The following MAP7D1 variants were observed in gnomAD, a reference collection of about 807,000 sequenced individuals.
MAP7D1 encodes MAP7 domain-containing protein 1.
In MAP7D1, 30 loss-of-function variants were observed where a neutral mutation model predicts 97.5. The observed-to-expected ratio is 0.31, with a 90% confidence interval of 0.23 to 0.42. The LOEUF is 0.42. Ranked by LOEUF, MAP7D1 falls within the 10% of genes least tolerant of loss-of-function variation. The pLI is 1.00. For missense variants in MAP7D1, 1,184 were observed against 1,179.5 expected, an observed-to-expected ratio of 1.00 and a Z score of -0.06; for synonymous variants, 536 against 477.1, an observed-to-expected ratio of 1.12 and a Z score of -1.61.
intron 1 of MAP7D1, among the ~76,000 whole-genome samples, chr1:36,169,555 CAAAA>C (rs780377186): frequency 1.0e-5 from 1 of 96,252 alleles, no homozygotes. Context: ...GACTCCGTCT[CAAAA>C]AAAAAAAAAA....
chr1:36,166,740 A>C (rs1644479328), intron 1 of MAP7D1, among the ~76,000 whole-genome samples: 1 of 152,190 alleles, frequency 6.6e-6, no homozygotes, highest in Admixed American at 6.5e-5. Context: ...TTGAGAAAAG[A>C]CCCAGGGGGA....
Position 36,172,458 on chromosome 1 carries a change from C to A in MAP7D1, c.461-6C>A. The A allele has an allele frequency of 6.4e-7, 1 of 1,566,088 alleles. No homozygotes were observed. Among genetic ancestry groups the A allele is most frequent in the South Asian group, 1.1e-5 (1 of 87,452 alleles). Reference sequence around the variant, plus strand: ...CACACACGCCACTGGGCTCCTTTGTCCACAGCGGCCAAGAAGGCAGTGTGG... The same window carrying A: ...CACACACGCCACTGGGCTCCTTTGTACACAGCGGCCAAGAAGGCAGTGTGG... On this transcript the variant is annotated splice_region_variant and splice_polypyrimidine_tract_variant and intron_variant, in intron 3 of 16. Coordinates refer to ENST00000474796, the MANE Select transcript of MAP7D1 (RefSeq NM_001388490.1).
Position 36,156,381 on chromosome 1 carries a change from C to A in MAP7D1, c.-37C>A. ...TGGCCACTGGCCGCCGCCGCCGCCG[C>A]CGCTGAGACCCCGAGACCCCCAGTG... On this transcript the variant is annotated 5_prime_UTR_variant, in exon 1 of 17. Coordinates refer to ENST00000474796, the MANE Select transcript of MAP7D1 (RefSeq NM_001388490.1). 2 of 1,481,148 alleles carry A rather than the reference C, an allele frequency of 1.4e-6. No individual in the cohort carries two copies. The highest frequency in any genetic ancestry group is 1.8e-6 in the Non-Finnish European group (2 of 1,122,638). The allele number at this position is 1,481,148 out of a possible 1,614,324, so 91.8% of individuals were successfully genotyped here.
rs1422335463 is a variant in MAP7D1 at position 36,176,435 on chromosome 1, C to T, written c.1087C>T (p.Arg363Cys). 4 of 1,520,788 alleles carry T rather than the reference C, an allele frequency of 2.6e-6. No individual in the cohort carries two copies. Among genetic ancestry groups the T allele is most frequent in the East Asian group, 5.3e-5 (2 of 37,500 alleles). 94.2% of individuals were successfully genotyped at this position (1,520,788 alleles called of 1,614,324 possible). ...CTCTGCAGCCGTGCCGGTGTGCCCG[C>T]GCTCGGCCTCCGCCAGCCCCCTGAC... ...HPSAAVPVCPRSASASPLTPC... is the reference protein window; with the variant it reads ...HPSAAVPVCPCSASASPLTPC... The change falls in exon 7 of 17, where the codon CGC (arginine) becomes TGC (cysteine). Residue 363 changes from arginine to cysteine, a missense_variant. Arg to Cys is a radical substitution (Grantham distance 180). Transcript: ENST00000474796. This position sits in a 1 kb window ranked among gnomAD's most constrained non-coding sequence, Gnocchi z 6.1.
At chr1:36,169,449 G>A (rs912088941) in intron 1 of MAP7D1, among the ~76,000 whole-genome samples, 1 of 152,060 alleles carries the variant, frequency 6.6e-6, no homozygotes, top group African/African-American at 2.4e-5. Context: ...CCAGTTACTC[G>A]GGAAGCTGAG....
intron 3 of MAP7D1, 101 bp downstream of exon 3, chr1:36,171,682 C>T: frequency 1.5e-6 from 2 of 1,336,082 alleles, no homozygotes; most frequent in Non-Finnish European, 2.1e-6. Context: ...CCTGTAATCC[C>T]AGCACTTTGG....
chr1:36,179,446 C>T, intron 13 of MAP7D1, 69 bp from the exon 14 acceptor site: 1 of 1,575,222 alleles, frequency 6.3e-7, no homozygotes, highest in Non-Finnish European at 8.6e-7. Context: ...AAGGGGAGGG[C>T]CGAACTCAGT....
intron 5 of MAP7D1, 72 bp from the exon 6 acceptor site, chr1:36,174,826 A>G: frequency 1.5e-6 from 1 of 678,994 alleles, no homozygotes; most frequent in East Asian, 4.0e-5. Context: ...AGCATCCTGC[A>G]TGGAAGGCCT....
chr1:36,158,449 A>G (rs1213592814), intron 1 of MAP7D1, among the ~76,000 whole-genome samples: 1 of 152,166 alleles, frequency 6.6e-6, no homozygotes, highest in African/African-American at 2.4e-5. Context: ...GCACTTGGAC[A>G]CTGAGCAGTA....
chr1:36,173,297 G>A, intron 4 of MAP7D1, 67 bp from the exon 5 acceptor site: 1 of 1,197,010 alleles, frequency 8.4e-7, no homozygotes, highest in Non-Finnish European at 1.2e-6. Context: ...GAGGAAGAAG[G>A]GCCTCTATCC....
intron 1 of MAP7D1, among the ~76,000 whole-genome samples, chr1:36,157,673 C>G (rs1247827578): frequency 1.3e-5 from 2 of 152,222 alleles, no homozygotes; most frequent in African/African-American, 4.8e-5. Context: ...CCTGTCACCT[C>G]CCTGCCCCTT....
At position 36,178,702 on chromosome 1, in the gene MAP7D1, A is replaced by G. The variant is rs1167317200; in HGVS notation, c.1904A>G (p.Gln635Arg). The G allele has an allele frequency of 1.5e-5, 23 of 1,533,602 alleles. No homozygotes were observed. Among genetic ancestry groups the G allele is most frequent in the Non-Finnish European group, 2.0e-5 (23 of 1,140,480 alleles). 95.0% of individuals were successfully genotyped at this position (1,533,602 alleles called of 1,614,324 possible). ...TCCCCCAGGCGAATGCGAGAGGAGC[A>G]GCTGGCACGGGAGGCCGAGGCCCGG... ...AERDKRMREE[Q>R]LAREAEARAE... The change falls in exon 11 of 17, where the codon CAG (glutamine) becomes CGG (arginine). Residue 635 changes from glutamine to arginine, a missense_variant. Coordinates refer to ENST00000474796, the MANE Select transcript of MAP7D1 (RefSeq NM_001388490.1).
chr1:36,177,807 A>G (rs139477834), intron 8 of MAP7D1, 66 bp from the exon 9 acceptor site: 1 of 1,517,774 alleles, frequency 6.6e-7, no homozygotes, highest in Non-Finnish European at 8.8e-7. Flanking sequence ...TCCCAGAGGA[A>G]GGAACAAGTT....
At chr1:36,157,127 G>T (rs1468529235) in intron 1 of MAP7D1, 3 of 152,316 alleles carry the variant, frequency 2.0e-5, no homozygotes, top group Non-Finnish European at 4.4e-5. Flanking sequence ...CATTGTTTGG[G>T]GTGAGGGCGG....
intron 5 of MAP7D1, among the ~76,000 whole-genome samples, 195 bp from the exon 6 acceptor site, chr1:36,174,703 A>G (rs1178936481): frequency 4.7e-5 from 7 of 150,402 alleles, no homozygotes; most frequent in Non-Finnish European, 8.9e-5. Context: ...GGCTCCCCCA[A>G]CCCAGGTTGT....
rs1412133634 is a variant in MAP7D1, at chr1:36,171,004, C to T, written c.80C>T (p.Pro27Leu). ...VVARTPPEPR[P>L]SPEGDPSPPP... Reference sequence around the variant, plus strand: ...GCCAGGACCCCCCCAGAGCCAAGACCTTCTCCAGAAGGTGACCCTTCCCCC... The same window carrying T: ...GCCAGGACCCCCCCAGAGCCAAGACTTTCTCCAGAAGGTGACCCTTCCCCC... The change falls in exon 2 of 17, where the codon CCT (proline) becomes CTT (leucine). Residue 27 changes from proline (P) to leucine (L), a missense_variant. By Grantham distance (98) the Pro-to-Leu change is moderately conservative. Coordinates refer to ENST00000474796, the MANE Select transcript of MAP7D1 (RefSeq NM_001388490.1). 1.3e-6 allele frequency: 2 copies of T among 1,565,746 alleles called. No individual in the cohort carries two copies. Among genetic ancestry groups the T allele is most frequent in the East Asian group, 2.3e-5 (1 of 44,434 alleles).
intron 16 of MAP7D1, 43 bp from the exon 17 acceptor site, chr1:36,180,205 A>C (rs1644697696): frequency 6.2e-7 from 1 of 1,613,920 alleles, no homozygotes; most frequent in East Asian, 2.2e-5. Flanking sequence ...TCTGGGCTTG[A>C]GTGCTGTTTG....
chr1:36,171,024 TCC>T lies in MAP7D1; in HGVS notation c.106_107del (p.Pro36ThrfsTer24). On this transcript the variant is annotated frameshift_variant, in exon 2 of 17. Coordinates refer to ENST00000474796, the MANE Select transcript of MAP7D1 (RefSeq NM_001388490.1). LOFTEE classifies it high-confidence loss of function. ...EPRPSPEGDPSPPPPPMSALV... is the reference protein window; with the variant it reads ...EPRPSPEGDPXPPPPPMSALV... ...AAGACCTTCTCCAGAAGGTGACCCT[TCC>T]CCCCCACCACCACCAATGTCAGCCC... is the stretch of plus-strand genomic sequence containing the variant. 1.4e-6 allele frequency: 2 copies of T among 1,386,086 alleles called. No homozygotes were observed. The highest frequency in any genetic ancestry group is 1.9e-6 in the Non-Finnish European group (2 of 1,029,008). 85.9% of individuals were successfully genotyped at this position (1,386,086 alleles called of 1,614,324 possible).
chr1:36,163,817 C>CTTTTTTTTTTTTT lies in MAP7D1; in HGVS notation c.47-7139_47-7127dup, dbSNP rs869169250. Among the ~76,000 whole-genome samples, 30 of 86,834 alleles carry CTTTTTTTTTTTTT rather than the reference C, an allele frequency of 3.5e-4. 3 individuals are homozygous for CTTTTTTTTTTTTT. The highest frequency in any genetic ancestry group is 1.3e-3 in the African/African-American group (28 of 21,396). The allele number at this position is 86,834 out of a possible 152,430, so 57.0% of individuals were successfully genotyped here. A position where few individuals can be genotyped will look rare whatever the true frequency, so the allele number is the denominator to read the frequency against. ...TGCCACATAGATATATACTTTTTTTCTTTTTTTTTTTTTTTTTTTTTTTTT... is the reference window on the plus strand; with the variant it reads ...TGCCACATAGATATATACTTTTTTTCTTTTTTTTTTTTTTTTTTTTTTTTTTTTTTTTTTTTTT... On this transcript the variant is annotated intron_variant, in intron 1 of 16. Transcript: ENST00000474796.
Sources: allele counts gnomAD v4.1 joint callset (sites outside exome capture counted in the v4.1 genomes callset), GRCh38; gene constraint gnomAD v4.1.1; non-coding constraint Gnocchi (gnomAD v3.1); transcripts MANE v1.5; gene names NCBI Gene and HGNC (gene_info 2026-07-23, HGNC 2026-07-21).